Variants in ROR2 observed in about 807,000 individuals in gnomAD.
ROR2 encodes the protein ROR family WNT receptor 2.
In ROR2, 33 loss-of-function variants were observed where a neutral mutation model predicts 74.9. The observed-to-expected ratio is 0.44, with a 90% CI of 0.33 to 0.59. ROR2 has a LOEUF of 0.59. Ranked by LOEUF, ROR2 falls within the 20% of genes least tolerant of loss-of-function variation. The pLI, the probability that ROR2 is intolerant of heterozygous loss-of-function variation, is 0.02. For missense variants in ROR2, 1,216 were observed against 1,313.8 expected (o/e 0.93, Z 1.15); for synonymous variants, 586 against 558.7 (o/e 1.05, Z -0.69).
intron 7 of ROR2, among the ~76,000 whole-genome samples, chr9:91,728,967 C>G (rs1673639653): frequency 6.6e-6 from 1 of 152,108 alleles, no homozygotes; most frequent in Non-Finnish European, 1.5e-5. Flanking sequence ...AAATATCCTT[C>G]CATTTATGCC....
chr9:91,757,157 C>A, intron 3 of ROR2, 115 bp downstream of exon 3: 1 of 1,372,636 alleles, frequency 7.3e-7, no homozygotes, highest in South Asian at 1.2e-5. Context: ...GGTTTCATTG[C>A]TCTCCCCTCG....
At chr9:91,839,091 C>T (rs1452022863) in intron 1 of ROR2, among the ~76,000 whole-genome samples, 1 of 152,154 alleles carries the variant, frequency 6.6e-6, no homozygotes, top group Non-Finnish European at 1.5e-5. Flanking sequence ...CGCGCAGGCA[C>T]ATAGCAACAC....
At position 91,757,464 on chromosome 9, in the gene ROR2, G is replaced by T; in HGVS notation, c.271C>A (p.Pro91Thr). ...LHCKVAGNPP[P>T]NVRWLKNDAP... ...TCATTCTTTAGCCACCGCACGTTAG[G>T]GGGTGGGTTTCCTGCCACCTTGCAG... Residue 91 changes from proline to threonine, a missense_variant, in exon 3 of 9, where the codon CCT (proline) becomes ACT (threonine). By Grantham distance (38) the Pro-to-Thr change is conservative (BLOSUM62 -1). Coordinates refer to ENST00000375708, the MANE Select transcript of ROR2 (RefSeq NM_004560.4). 1 of 1,613,868 alleles carries T rather than the reference G, an allele frequency of 6.2e-7. No individual in the cohort carries two copies. Among genetic ancestry groups the T allele is most frequent in the Non-Finnish European group, 8.5e-7 (1 of 1,179,978 alleles).
At chr9:91,809,936 T>C (rs1827688963) in intron 1 of ROR2, among the ~76,000 whole-genome samples, 1 of 152,242 alleles carries the variant, frequency 6.6e-6, no homozygotes, top group South Asian at 2.1e-4. Context: ...CGAGTGCCTC[T>C]CTCACACGTC....
At chr9:91,780,962 TG>T (rs1380062238) in intron 1 of ROR2, among the ~76,000 whole-genome samples, 1 of 152,254 alleles carries the variant, frequency 6.6e-6, no homozygotes, top group Non-Finnish European at 1.5e-5. Flanking sequence ...GGTGCTATTC[TG>T]GTTTTGATTT....
chr9:91,827,666 T>G (rs1288675976), intron 1 of ROR2, among the ~76,000 whole-genome samples: 1 of 152,184 alleles, frequency 6.6e-6, no homozygotes, highest in African/African-American at 2.4e-5. Flanking sequence ...ACTGGTCCAA[T>G]GTACAGATCA....
chr9:91,723,852 G>A lies in ROR2; in HGVS notation c.2642C>T (p.Thr881Ile). 1 of 1,614,090 alleles carries A rather than the reference G, an allele frequency of 6.2e-7. No homozygotes were observed. The highest frequency in any genetic ancestry group is 1.1e-5 in the South Asian group (1 of 91,086). The change falls in exon 9 of 9, where the codon ACA becomes ATA. Residue 881 changes from threonine to isoleucine, a missense_variant. Coordinates refer to ENST00000375708, the MANE Select transcript of ROR2 (RefSeq NM_004560.4). ...CAGGGCTGCCCTGTCTGCCATGGATGTGTTGGAGGGGGCCGTGGTGACGTA... is the reference window on the plus strand; with the variant it reads ...CAGGGCTGCCCTGTCTGCCATGGATATGTTGGAGGGGGCCGTGGTGACGTA... Reference protein sequence around the residue: ...TGYVTTAPSNTSMADRAALLS... With the variant: ...TGYVTTAPSNISMADRAALLS...
rs1836871664 is a variant in ROR2, at chr9:91,723,575, T to C, written c.*87A>G. On this transcript the variant is annotated 3_prime_UTR_variant, in exon 9 of 9. Transcript: ENST00000375708. ...CTGGCCGGCGGGCTCTTGTGATTGC[T>C]GAGTATGGTGTCTTCTCAAAGGTGA... 4 of 1,546,526 alleles carry C rather than the reference T, an allele frequency of 2.6e-6. No individual in the cohort carries two copies. The highest frequency in any genetic ancestry group is 3.5e-6 in the Non-Finnish European group (4 of 1,147,132).
intron 1 of ROR2, among the ~76,000 whole-genome samples, chr9:91,837,938 C>A (rs1828662099): frequency 6.6e-6 from 1 of 152,162 alleles, no homozygotes; most frequent in East Asian, 1.9e-4. Flanking sequence ...CCATACTTTT[C>A]TTTTCATTGT....
chr9:91,939,030 C>T (rs1831777688), intron 1 of ROR2, among the ~76,000 whole-genome samples: 1 of 152,084 alleles, frequency 6.6e-6, no homozygotes, highest in Non-Finnish European at 1.5e-5. Flanking sequence ...GCGGGTGGAT[C>T]ACAAGATCAG....
intron 1 of ROR2, among the ~76,000 whole-genome samples, chr9:91,827,054 C>T (rs945683817): frequency 2.0e-5 from 3 of 152,120 alleles, no homozygotes; most frequent in African/African-American, 4.8e-5. Flanking sequence ...TAACTATATA[C>T]GCACTCTATA....
chr9:91,819,163 G>A (rs374353390), intron 1 of ROR2, among the ~76,000 whole-genome samples: 10 of 152,246 alleles, frequency 6.6e-5, no homozygotes, highest in Admixed American at 2.0e-4. Context: ...TGCAGCCCCC[G>A]CAGCCACAGG....
At chr9:91,845,384 G>C (rs1057131162) in intron 1 of ROR2, among the ~76,000 whole-genome samples, 2 of 151,786 alleles carry the variant, frequency 1.3e-5, no homozygotes, top group Non-Finnish European at 2.9e-5. Context: ...TCCCAGGCAA[G>C]AGGATGTTCA....
chr9:91,825,512 T>C (rs575314472), intron 1 of ROR2, among the ~76,000 whole-genome samples: 12 of 152,288 alleles, frequency 7.9e-5, no homozygotes, highest in East Asian at 1.9e-4. Flanking sequence ...GCCCAGACGA[T>C]GCAGAAAGAC....
At position 91,724,948 on chromosome 9, in the gene ROR2, GC is replaced by G; in HGVS notation, c.1545del (p.Leu517CysfsTer27). On this transcript the variant is annotated frameshift_variant, in exon 9 of 9. Transcript: ENST00000375708. LOFTEE classifies it high-confidence loss of function. Reference sequence around the variant, plus strand: ...TCATGCCGGAACTCCTCCCGCAGGGGCCCCTCCGCTTTGTCCTTCAGCGTTT... The same window carrying G: ...TCATGCCGGAACTCCTCCCGCAGGGGCCCTCCGCTTTGTCCTTCAGCGTTT... ...AIKTLKDKAEGPLREEFRHEA... is the reference protein window; with the variant it reads ...AIKTLKDKAEXPLREEFRHEA... 6.2e-7 allele frequency: 1 copy of G among 1,613,278 alleles called. No homozygotes were observed.
rs2118601792 is a variant in ROR2, at chr9:91,723,458, C to G, written c.*204G>C. Reference sequence around the variant, plus strand: ...GGACGCCGTGCTGCCAGACCCCCTGCCTGGCTTGGGTGCTCCTAGGCAGGG... The same window carrying G: ...GGACGCCGTGCTGCCAGACCCCCTGGCTGGCTTGGGTGCTCCTAGGCAGGG... On this transcript the variant is annotated 3_prime_UTR_variant, in exon 9 of 9. Coordinates refer to ENST00000375708, the MANE Select transcript of ROR2 (RefSeq NM_004560.4). The G allele has an allele frequency of 1.4e-6, 1 of 735,142 alleles. No homozygotes were observed. Among genetic ancestry groups the G allele is most frequent in the South Asian group, 1.9e-5 (1 of 53,432 alleles). 45.5% of individuals were successfully genotyped at this position (735,142 alleles called of 1,614,324 possible).
intron 1 of ROR2, among the ~76,000 whole-genome samples, chr9:91,778,395 T>C (rs1008311075): frequency 2.6e-5 from 4 of 152,116 alleles, no homozygotes; most frequent in Non-Finnish European, 5.9e-5. Flanking sequence ...CCCTGCAACA[T>C]CTCCTCGGTG....
intron 1 of ROR2, among the ~76,000 whole-genome samples, chr9:91,850,941 C>T (rs1829070147): frequency 6.6e-6 from 1 of 152,066 alleles, no homozygotes; most frequent in South Asian, 2.1e-4. Context: ...GGTATTAAAA[C>T]AGATGTCTAA....
At chr9:91,821,607 T>TCCCC (rs1300626484) in intron 1 of ROR2, among the ~76,000 whole-genome samples, 2 of 151,998 alleles carry the variant, frequency 1.3e-5, no homozygotes, top group African/African-American at 4.8e-5. Flanking sequence ...AGTCACTTAC[T>TCCCC]CCCCCTGTCC....
Sources: gnomAD v4.1 joint callset for allele counts (sites outside exome capture counted in the v4.1 genomes callset) on GRCh38, gnomAD v4.1.1 for gene constraint, MANE v1.5 for transcripts, NCBI Gene and HGNC (gene_info 2026-07-23, HGNC 2026-07-21) for gene names.